Variants in SEZ6 observed in about 807,000 individuals in gnomAD.
The protein encoded by SEZ6 is seizure protein 6 homolog.
In SEZ6, 53 loss-of-function variants were observed where a neutral mutation model predicts 101.0. The observed-to-expected ratio is 0.52, with a 90% CI of 0.42 to 0.66. The LOEUF is 0.66. Ranked by LOEUF, SEZ6 falls within the 30% of genes least tolerant of loss-of-function variation. The probability of loss-of-function intolerance (pLI) is 0.00; values close to 1 mark genes in which losing one functional copy is unlikely to be tolerated. For synonymous variants in SEZ6, 488 were observed against 512.2 expected (o/e 0.95, Z 0.64); for missense variants, 1,102 against 1,289.4 (o/e 0.85, Z 2.23).
At chr17:28,986,737 A>C (rs995635533) in intron 1 of SEZ6, among the ~76,000 whole-genome samples, 2 of 152,168 alleles carry the variant, frequency 1.3e-5, no homozygotes, top group Non-Finnish European at 2.9e-5. Flanking sequence ...TCCAATCCCA[A>C]ATCGATGTGA....
rs775013432 is a variant in SEZ6, at chr17:28,955,746, A to G, written c.*216T>C. 1.3e-4 allele frequency: 93 copies of G among 697,460 alleles called. No homozygotes were observed. The highest frequency in any genetic ancestry group is 2.1e-4 in the Non-Finnish European group (80 of 383,306). The allele number at this position is 697,460 out of a possible 1,614,324, so 43.2% of individuals were successfully genotyped here. A position where few individuals can be genotyped will look rare whatever the true frequency, so the allele number is the denominator to read the frequency against. On this transcript the variant is annotated 3_prime_UTR_variant, in exon 17 of 17. Transcript: ENST00000317338. ...GTAGATGCCCCCTGACATGGGCCCA[A>G]TGAAGGGCCCCAAGTGGGCAATGAC...
intron 1 of SEZ6, among the ~76,000 whole-genome samples, chr17:28,995,085 G>T (rs1305833528): frequency 6.6e-6 from 1 of 151,770 alleles, no homozygotes; most frequent in African/African-American, 2.4e-5. Context: ...GTGTTAGCCA[G>T]GATGGTCTCG....
In SEZ6 at chr17:28,980,688, G is replaced by A. The variant is rs146157990; in HGVS notation, c.724+683C>T. On this transcript the variant is annotated intron_variant, in intron 2 of 16. Coordinates refer to ENST00000317338, the MANE Select transcript of SEZ6 (RefSeq NM_178860.5). ...CGGCCAATTTTTTGTATTTTTAGTAGAGACGGGGTTTCACCATGTTGGCCA... is the reference window on the plus strand; with the variant it reads ...CGGCCAATTTTTTGTATTTTTAGTAAAGACGGGGTTTCACCATGTTGGCCA... 2.2e-3 allele frequency among the ~76,000 whole-genome samples: 333 copies of A among 151,298 alleles called. 2 individuals carry two copies. Among genetic ancestry groups the A allele is most frequent in the Middle Eastern group, 0.014 (4 of 290 alleles).
intron 5 of SEZ6, among the ~76,000 whole-genome samples, chr17:28,962,838 A>G (rs1426562558): frequency 6.7e-6 from 1 of 148,338 alleles, no homozygotes; most frequent in Non-Finnish European, 1.5e-5. Flanking sequence ...AAAAAGAAAA[A>G]GCCCGGCCAG....
intron 1 of SEZ6, among the ~76,000 whole-genome samples, chr17:29,004,377 C>G (rs948429178): frequency 1.3e-5 from 2 of 152,166 alleles, no homozygotes; most frequent in Non-Finnish European, 2.9e-5. Context: ...GTCTTCATCC[C>G]TGGGGTGGGT....
chr17:28,963,237 C>G (rs1397279686), intron 5 of SEZ6, among the ~76,000 whole-genome samples: 1 of 152,182 alleles, frequency 6.6e-6, no homozygotes, highest in Admixed American at 6.5e-5. Flanking sequence ...GACCTGATCA[C>G]TCAGGACCAG....
chr17:28,981,396 G>A lies in SEZ6; in HGVS notation c.699C>T (p.Thr233=). 1 of 1,552,488 alleles carries A rather than the reference G, an allele frequency of 6.4e-7. No individual in the cohort carries two copies. Among genetic ancestry groups the A allele is most frequent in the Non-Finnish European group, 8.7e-7 (1 of 1,147,284 alleles). ...CTGGTGTCTGGACTGTGGTGATGGT[G>A]GTGGTGATGATGGTGGTGGTAGTGG... ...ETTTTTTIIT[T]TITTVQTPGP... Residue 233 remains threonine (T), a synonymous_variant, in exon 2 of 17, where the codon ACC becomes ACT. Transcript: ENST00000317338.
Position 28,981,787 on chromosome 17 carries a change from G to A in SEZ6, c.308C>T (p.Thr103Ile), listed in dbSNP as rs769369308. 6.2e-6 allele frequency: 10 copies of A among 1,613,430 alleles called. No homozygotes were observed. The highest frequency in any genetic ancestry group is 8.5e-6 in the Non-Finnish European group (10 of 1,179,542). Residue 103 changes from threonine to isoleucine, a missense_variant, in exon 2 of 17, where the codon ACC (threonine) becomes ATC (isoleucine). Thr to Ile is a moderately conservative substitution (Grantham distance 89). Around this residue, in one of 3 missense-constraint regions of SEZ6, gnomAD observed 406 missense variants for 418.6 expected, o/e 0.97. Transcript: ENST00000317338. ...PFQPDPPAPF[T>I]PSPLPRLANQ... ...GGCCAGGCGGGGAAGGGGACTTGGG[G>A]TGAAGGGTGCAGGTGGGTCAGGCTG...
intron 1 of SEZ6, among the ~76,000 whole-genome samples, chr17:28,999,690 G>A (rs2041589747): frequency 6.6e-6 from 1 of 152,196 alleles, no homozygotes; most frequent in African/African-American, 2.4e-5. Context: ...GGCAGGGTTG[G>A]GCCTTCCCAC....
intron 1 of SEZ6, among the ~76,000 whole-genome samples, chr17:28,999,652 A>G (rs1429612757): frequency 6.6e-6 from 1 of 152,218 alleles, no homozygotes; most frequent in Non-Finnish European, 1.5e-5. Flanking sequence ...TGGTTTGGGC[A>G]GCAGGTAGGC....
chr17:28,978,567 T>A (rs564159990), intron 3 of SEZ6, among the ~76,000 whole-genome samples: 103 of 152,334 alleles, frequency 6.8e-4, no homozygotes, highest in Middle Eastern at 3.4e-3. Flanking sequence ...GACCAGCATG[T>A]GCAGCTGGGA....
chr17:28,982,292 T>A (rs1484016530), intron 1 of SEZ6, among the ~76,000 whole-genome samples: 1 of 152,192 alleles, frequency 6.6e-6, no homozygotes, highest in Non-Finnish European at 1.5e-5. Context: ...CCGTGCACTA[T>A]TTCCTACTGT....
chr17:28,973,520 C>T (rs372459427), intron 3 of SEZ6, among the ~76,000 whole-genome samples: 20 of 152,128 alleles, frequency 1.3e-4, no homozygotes, highest in Non-Finnish European at 2.2e-4. Flanking sequence ...GCCTGGCTCC[C>T]GGCCCAGTCT....
chr17:28,959,197 C>A lies in SEZ6; in HGVS notation c.1935G>T (p.Val645=). 4 of 1,613,366 alleles carry A rather than the reference C, an allele frequency of 2.5e-6. No homozygotes were observed. The highest frequency in any genetic ancestry group is 3.4e-6 in the Non-Finnish European group (4 of 1,179,594). The change falls in exon 10 of 17, where the codon GTG becomes GTT. Residue 645 remains valine (V), a synonymous_variant. Transcript: ENST00000317338. This position sits in a 1 kb window ranked among gnomAD's most constrained non-coding sequence, Gnocchi z 4.4. ...GGTCATCCCCATCATAGAAGGTAAG[C>A]ACATCACCAGGGCCTATGCGCAGCC... ...IRVLRIGPGD[V]LTFYDGDDLT... is the part of the protein sequence containing the mutation.
chr17:28,995,009 A>T (rs900960272), intron 1 of SEZ6, among the ~76,000 whole-genome samples: 2 of 151,558 alleles, frequency 1.3e-5, no homozygotes, highest in Non-Finnish European at 2.9e-5. Flanking sequence ...AGTAGCTAGG[A>T]CTACAGGCAC....
intron 4 of SEZ6, among the ~76,000 whole-genome samples, chr17:28,965,545 A>G (rs1376277175): frequency 3.3e-5 from 5 of 152,064 alleles, no homozygotes. Context: ...AGGAGGCTGA[A>G]GTGGGATCGC....
intron 1 of SEZ6, among the ~76,000 whole-genome samples, chr17:28,982,881 C>T (rs1219045328): frequency 6.6e-6 from 1 of 152,128 alleles, no homozygotes. Context: ...ACTATGTTGT[C>T]TGGGCTGGTC....
Position 28,983,185 on chromosome 17 carries a change from G to A in SEZ6, c.56-1146C>T, listed in dbSNP as rs149111836. On this transcript the variant is annotated intron_variant, in intron 1 of 16. Transcript: ENST00000317338. ...AGGCAAATAACCCAAACTCTCTGAA[G>A]CTCAGTTTTCTCATCTGTAAAATTG... 1.2e-3 allele frequency among the ~76,000 whole-genome samples: 184 copies of A among 152,340 alleles called. 1 individual carries two copies. The highest frequency in any genetic ancestry group is 4.2e-3 in the African/African-American group (175 of 41,584).
upstream of SEZ6, chr17:29,006,056 CG>C: frequency 2.5e-6 from 1 of 393,524 alleles, no homozygotes; most frequent in African/African-American, 2.1e-5. Context: ...GCGACGGCGC[CG>C]GGGATCGCCG....
Sources: allele counts gnomAD v4.1 joint callset (sites outside exome capture counted in the v4.1 genomes callset), GRCh38; gene constraint gnomAD v4.1.1; regional missense constraint gnomAD v4.1.1; non-coding constraint Gnocchi (gnomAD v3.1); transcripts MANE v1.5; gene names NCBI Gene and HGNC (gene_info 2026-07-23, HGNC 2026-07-21).